Variants in DYM observed in about 807,000 individuals in gnomAD.
DYM encodes dymeclin.
DYM carries 78 observed loss-of-function variants against 93.1 expected under a neutral mutation model. The ratio of observed to expected loss-of-function variants is 0.84; its 90% CI spans 0.70 to 1.01. The LOEUF (loss-of-function observed/expected upper bound fraction) is 1.01. Among genes scored for constraint, DYM ranks in the 50% least tolerant of loss-of-function variants. The pLI, the probability that DYM is intolerant of heterozygous loss-of-function variation, is 0.00. For missense variants in DYM, 789 were observed against 845.0 expected (o/e 0.93, Z 0.82); for synonymous variants, 321 against 319.7 (o/e 1.00, Z -0.04).
At chr18:49,307,758 T>A (rs890475132) in intron 8 of DYM, among the ~76,000 whole-genome samples, 19 of 152,178 alleles carry the variant, frequency 1.2e-4, no homozygotes, top group African/African-American at 4.3e-4. Flanking sequence ...ATTAACAACA[T>A]GAAAACTGGC....
intron 14 of DYM, among the ~76,000 whole-genome samples, chr18:49,165,644 T>C (rs534623885): frequency 6.6e-6 from 1 of 152,202 alleles, no homozygotes; most frequent in Non-Finnish European, 1.5e-5. Context: ...AAAACAAACA[T>C]AACAGAGGCA....
intron 17 of DYM, among the ~76,000 whole-genome samples, chr18:49,080,116 C>G (rs1389027250): frequency 1.6e-4 from 10 of 62,138 alleles, no homozygotes; most frequent in East Asian, 3.5e-4. Flanking sequence ...GGGGGGCTGA[C>G]CCCCCCACCT....
At chr18:49,271,907 T>C (rs1053352046) in intron 11 of DYM, among the ~76,000 whole-genome samples, 1 of 150,234 alleles carries the variant, frequency 6.7e-6, no homozygotes, top group Non-Finnish European at 1.5e-5. Flanking sequence ...GGAAATGAAA[T>C]GCTGAAGAAA....
intron 13 of DYM, among the ~76,000 whole-genome samples, chr18:49,222,246 T>C (rs1445689515): frequency 1.3e-5 from 2 of 152,094 alleles, no homozygotes; most frequent in East Asian, 3.9e-4. Flanking sequence ...TTCTGTTAAA[T>C]AATCTAAAAT....
chr18:49,129,827 G>A (rs554525567), intron 15 of DYM, among the ~76,000 whole-genome samples: 4 of 152,238 alleles, frequency 2.6e-5, no homozygotes, highest in African/African-American at 7.2e-5. Flanking sequence ...CTACAGGGCA[G>A]CAAACCCTCT....
chr18:49,310,865 T>C (rs2061549653), intron 8 of DYM, among the ~76,000 whole-genome samples: 1 of 152,190 alleles, frequency 6.6e-6, no homozygotes, highest in African/African-American at 2.4e-5. Context: ...ACATTTATAA[T>C]GTTAAATTTT....
chr18:49,104,426 C>A (rs2080550540), intron 16 of DYM, among the ~76,000 whole-genome samples: 1 of 152,174 alleles, frequency 6.6e-6, no homozygotes, highest in African/African-American at 2.4e-5. Flanking sequence ...CCTGATTGCC[C>A]TGGCCTGAAC....
chr18:49,439,282 C>T (rs930244724), intron 1 of DYM, among the ~76,000 whole-genome samples: 2 of 152,110 alleles, frequency 1.3e-5, no homozygotes, highest in African/African-American at 2.4e-5. Flanking sequence ...ATTGCTGATG[C>T]TTTTAGTAGT....
chr18:49,363,170 A>G lies in DYM; in HGVS notation c.485T>C (p.Ile162Thr), dbSNP rs202200461. ...LCCLMQLITD[I>T]PLLDITYEIS... The stretch of plus-strand genomic sequence containing the variant: ...CCTAGCCAGAACTTACAAGAGTGGA[A>G]TATCAGTGATCAACTGCATCAAACA... The change falls in exon 6 of 18, where the codon ATT becomes ACT. Residue 162 changes from isoleucine (I) to threonine (T), a missense_variant. Physicochemically the swap from Ile to Thr is moderately conservative, Grantham distance 89. Coordinates refer to ENST00000675505, the MANE Select transcript of DYM (RefSeq NM_001353214.3). 105 of 1,613,346 alleles carry G rather than the reference A, an allele frequency of 6.5e-5. No individual in the cohort carries two copies. The highest frequency in any genetic ancestry group is 6.6e-5 in the South Asian group (6 of 91,052).
At chr18:49,096,349 A>G (rs2079543719) in intron 17 of DYM, among the ~76,000 whole-genome samples, 2 of 152,218 alleles carry the variant, frequency 1.3e-5, no homozygotes, top group Non-Finnish European at 2.9e-5. Flanking sequence ...AAACTCTGTT[A>G]TTATAATTGA....
chr18:49,294,151 C>T (rs1225318354), intron 8 of DYM, among the ~76,000 whole-genome samples: 2 of 152,082 alleles, frequency 1.3e-5, no homozygotes, highest in Admixed American at 1.3e-4. Flanking sequence ...TTTCTGAGGC[C>T]TCTGTTCTGT....
chr18:49,301,913 C>G (rs1236848378), intron 8 of DYM, among the ~76,000 whole-genome samples: 1 of 152,214 alleles, frequency 6.6e-6, no homozygotes, highest in Non-Finnish European at 1.5e-5. Flanking sequence ...ACAGGAGTGA[C>G]AGGCACCCTC....
In DYM at chr18:49,112,858, G is replaced by A. The variant is rs1168819119; in HGVS notation, c.1911+5886C>T. On this transcript the variant is annotated intron_variant, in intron 16 of 17. Coordinates refer to ENST00000675505, the MANE Select transcript of DYM (RefSeq NM_001353214.3). Reference sequence around the variant, plus strand: ...ACCCACTATTCTCTGTGCCTAGAGTGCTCTGTCCCCAGATAGCTGCATAGC... The same window carrying A: ...ACCCACTATTCTCTGTGCCTAGAGTACTCTGTCCCCAGATAGCTGCATAGC... Among the ~76,000 whole-genome samples, 4 of 152,122 alleles carry A rather than the reference G, an allele frequency of 2.6e-5. No individual in the cohort carries two copies. The East Asian group carries it at 5.8e-4, about 22-fold the overall frequency.
intron 2 of DYM, among the ~76,000 whole-genome samples, chr18:49,427,671 C>G (rs760164220): frequency 5.9e-5 from 9 of 152,004 alleles, no homozygotes; most frequent in Non-Finnish European, 1.2e-4. Flanking sequence ...TCTGAATGAA[C>G]AAAATGTACT....
chr18:49,196,457 ACAC>A, intron 14 of DYM, among the ~76,000 whole-genome samples: 1 of 152,012 alleles, frequency 6.6e-6, no homozygotes, highest in Non-Finnish European at 1.5e-5. Flanking sequence ...ACACACACAC[ACAC>A]ACACACATTT....
chr18:49,102,455 G>A (rs577871604), intron 16 of DYM, among the ~76,000 whole-genome samples: 79 of 151,942 alleles, frequency 5.2e-4, no homozygotes, highest in Non-Finnish European at 9.7e-4. Context: ...TAGGGTACAC[G>A]TGCACAATGT....
intron 16 of DYM, among the ~76,000 whole-genome samples, chr18:49,110,469 C>T (rs888812503): frequency 1.3e-5 from 2 of 151,866 alleles, no homozygotes; most frequent in African/African-American, 4.8e-5. Context: ...TTTTTAAAGA[C>T]ATTTTTGAGG....
At chr18:49,198,108 C>T (rs2091647509) in intron 14 of DYM, among the ~76,000 whole-genome samples, 1 of 152,062 alleles carries the variant, frequency 6.6e-6, no homozygotes, top group Non-Finnish European at 1.5e-5. Flanking sequence ...TTTGACAAAC[C>T]TGACAAAAAC....
chr18:49,279,156 C>A (rs2094913401), intron 10 of DYM, among the ~76,000 whole-genome samples: 1 of 152,076 alleles, frequency 6.6e-6, no homozygotes, highest in Admixed American at 6.6e-5. Flanking sequence ...AGAAGTTATA[C>A]CAGATTAATT....
Sources: gnomAD v4.1 joint callset for allele counts (sites outside exome capture counted in the v4.1 genomes callset) on GRCh38, gnomAD v4.1.1 for gene constraint, MANE v1.5 for transcripts, NCBI Gene and HGNC (gene_info 2026-07-23, HGNC 2026-07-21) for gene names.